Variants in SHC4 observed in about 807,000 individuals in gnomAD.
The protein encoded by SHC4 is SHC adaptor protein 4, also known as SHC-transforming protein 4.
SHC4 carries 41 observed loss-of-function variants against 69.4 expected under a neutral mutation model. That is an observed-to-expected ratio of 0.59 (90% CI 0.46 to 0.77). The LOEUF (loss-of-function observed/expected upper bound fraction) is 0.77, where lower values mean the gene tolerates loss of function less well. Among genes scored for constraint, SHC4 ranks in the 30% least tolerant of loss-of-function variants. The probability of loss-of-function intolerance (pLI) is 0.00; values close to 1 mark genes in which losing one functional copy is unlikely to be tolerated. For synonymous variants in SHC4, 318 were observed against 299.3 expected, an observed-to-expected ratio of 1.06 and a Z score of -0.64; for missense variants, 777 against 783.8, an observed-to-expected ratio of 0.99 and a Z score of 0.10.
At chr15:48,926,866 C>T (rs1174741025) in intron 1 of SHC4, among the ~76,000 whole-genome samples, 3 of 152,188 alleles carry the variant, frequency 2.0e-5, no homozygotes, top group African/African-American at 7.2e-5. Flanking sequence ...GGGACAATCA[C>T]CCTGCCAGTC....
At chr15:48,888,113 G>A (rs1900069444) in intron 3 of SHC4, among the ~76,000 whole-genome samples, 1 of 152,090 alleles carries the variant, frequency 6.6e-6, no homozygotes, top group African/African-American at 2.4e-5. Context: ...TTCTACTTCT[G>A]GGTATATACC....
Position 48,851,234 on chromosome 15 carries a change from C to T in SHC4, c.1257G>A (p.Lys419=), listed in dbSNP as rs1899209608. 1 of 1,614,084 alleles carries T rather than the reference C, an allele frequency of 6.2e-7. No individual in the cohort carries two copies. The highest frequency in any genetic ancestry group is 8.5e-7 in the Non-Finnish European group (1 of 1,179,984). The change falls in exon 9 of 12, where the codon AAG becomes AAA. Residue 419 remains lysine (K), a synonymous_variant. Coordinates refer to ENST00000332408, the MANE Select transcript of SHC4 (RefSeq NM_203349.4). ...EKLCYLPGNS[K]CSSVYENCLE... Reference sequence around the variant, plus strand: ...AACAGTTCTCATATACACTGCTGCACTTGGAGTTTCCAGGCTGCATGAACA... The same window carrying T: ...AACAGTTCTCATATACACTGCTGCATTTGGAGTTTCCAGGCTGCATGAACA...
intron 4 of SHC4, chr15:48,878,242 G>A: frequency 2.5e-6 from 4 of 1,610,608 alleles, no homozygotes; most frequent in Non-Finnish European, 3.4e-6. Context: ...TGGATGTGAT[G>A]CCTGGCGAGG....
chr15:48,885,852 C>A (rs1007857829), intron 3 of SHC4, among the ~76,000 whole-genome samples: 5 of 152,222 alleles, frequency 3.3e-5, no homozygotes, highest in Admixed American at 3.3e-4. Context: ...TTACACAGCT[C>A]TGGGCAAAGC....
chr15:48,843,636 T>C (rs777606724), intron 9 of SHC4, 48 bp from the exon 10 acceptor site: 7 of 1,526,418 alleles, frequency 4.6e-6, no homozygotes, highest in African/African-American at 1.4e-5. Flanking sequence ...TCTTTGTAAA[T>C]AGTAAATAAA....
rs138903874 is a variant in SHC4, at chr15:48,878,012, G to A, written c.841-5870C>T. ...GCCAACACCCCGGAGAAAACACTGA[G>A]CTACTCCAACCACAGTGGCGCGCCA... is the stretch of plus-strand genomic sequence containing the variant. On this transcript the variant is annotated intron_variant, in intron 4 of 11. Coordinates refer to ENST00000332408, the MANE Select transcript of SHC4 (RefSeq NM_203349.4). 452 of 807,328 alleles carry A rather than the reference G, an allele frequency of 5.6e-4. No homozygotes were observed. In the African/African-American group the frequency reaches 7.1e-3, roughly 13 times the overall value. 50.0% of individuals were successfully genotyped at this position (807,328 alleles called of 1,614,324 possible). A position where few individuals can be genotyped will look rare whatever the true frequency, so the allele number is the denominator to read the frequency against.
At chr15:48,957,759 T>C (rs1231263051) in intron 1 of SHC4, among the ~76,000 whole-genome samples, 1 of 152,196 alleles carries the variant, frequency 6.6e-6, no homozygotes, top group Non-Finnish European at 1.5e-5. Context: ...TCTTTGGAAA[T>C]AGGGTCTTTG....
At chr15:48,850,690 C>T (rs757449430) in intron 9 of SHC4, among the ~76,000 whole-genome samples, 1 of 152,202 alleles carries the variant, frequency 6.6e-6, no homozygotes, top group Non-Finnish European at 1.5e-5. Context: ...TGATCACATG[C>T]AGTAATAAAA....
At chr15:48,904,940 AAC>A (rs71650107) in intron 2 of SHC4, among the ~76,000 whole-genome samples, 5,902 of 144,334 alleles carry the variant, frequency 0.041, 290 homozygotes, top group East Asian at 0.12. Context: ...ACACAGACAC[AAC>A]ACACACACAC....
intron 1 of SHC4, among the ~76,000 whole-genome samples, chr15:48,960,507 C>T (rs1901528725): frequency 1.3e-5 from 2 of 152,208 alleles, no homozygotes; most frequent in Non-Finnish European, 2.9e-5. Flanking sequence ...GCGAGAGCTG[C>T]ATGTCCCATA....
At chr15:48,833,242 G>A (rs1863454) in intron 11 of SHC4, among the ~76,000 whole-genome samples, 51,165 of 151,948 alleles carry the variant, frequency 0.34, 10,118 homozygotes, top group Middle Eastern at 0.47. Flanking sequence ...GTGGGGGGAC[G>A]TGACTTTTCT....
chr15:48,960,112 T>C (rs1179219349), intron 1 of SHC4, among the ~76,000 whole-genome samples: 1 of 152,238 alleles, frequency 6.6e-6, no homozygotes, highest in East Asian at 1.9e-4. Flanking sequence ...TTCATTTGGG[T>C]CGTGGGGTCA....
rs544226770 is a variant in SHC4, at chr15:48,842,062, C to T, written c.1483+1347G>A. Among the ~76,000 whole-genome samples the T allele has an allele frequency of 3.9e-5, 6 of 152,338 alleles. No homozygotes were observed. The South Asian group carries it at 1.2e-3, about 32-fold the overall frequency. On this transcript the variant is annotated intron_variant, in intron 10 of 11. Transcript: ENST00000332408. Reference sequence around the variant, plus strand: ...CATCATTGGAGCAAACCAAATTTGACACCATGCCAATCTCTGAACAAAACA... The same window carrying T: ...CATCATTGGAGCAAACCAAATTTGATACCATGCCAATCTCTGAACAAAACA...
At chr15:48,935,492 T>C (rs890949884) in intron 1 of SHC4, among the ~76,000 whole-genome samples, 1 of 152,184 alleles carries the variant, frequency 6.6e-6, no homozygotes, top group Admixed American at 6.6e-5. Flanking sequence ...AGAAATGATG[T>C]TCAGGAAGTC....
intron 9 of SHC4, among the ~76,000 whole-genome samples, chr15:48,848,553 T>C (rs1417535763): frequency 6.6e-6 from 1 of 152,232 alleles, no homozygotes; most frequent in East Asian, 1.9e-4. Flanking sequence ...TTAACCATCA[T>C]GGCTAGGATT....
rs146204820 is a variant in SHC4, at chr15:48,907,655, C to T, written c.657-16844G>A. Reference sequence around the variant, plus strand: ...GCTCCCACTTATCAGTGAGAACATACGATGTCTGGTTTTCCATTCCTGAGT... The same window carrying T: ...GCTCCCACTTATCAGTGAGAACATATGATGTCTGGTTTTCCATTCCTGAGT... On this transcript the variant is annotated intron_variant, in intron 2 of 11. Coordinates refer to ENST00000332408, the MANE Select transcript of SHC4 (RefSeq NM_203349.4). Among the ~76,000 whole-genome samples the T allele has an allele frequency of 6.4e-3, 965 of 151,842 alleles. 11 individuals are homozygous for T. The highest frequency in any genetic ancestry group is 0.023 in the African/African-American group (932 of 41,412).
chr15:48,890,146 G>A (rs1900109542), intron 3 of SHC4, among the ~76,000 whole-genome samples: 1 of 152,176 alleles, frequency 6.6e-6, no homozygotes, highest in Non-Finnish European at 1.5e-5. Context: ...AAGGATCCAA[G>A]AGGTTAAGTA....
At chr15:48,830,483 C>T (rs751765048) in intron 11 of SHC4, among the ~76,000 whole-genome samples, 5 of 152,228 alleles carry the variant, frequency 3.3e-5, no homozygotes, top group Admixed American at 6.5e-5. Context: ...TATAATGAAG[C>T]TGAAAAATTC....
chr15:48,954,459 G>A (rs1200811911), intron 1 of SHC4, among the ~76,000 whole-genome samples: 1 of 152,208 alleles, frequency 6.6e-6, no homozygotes, highest in African/African-American at 2.4e-5. Flanking sequence ...ATTTTAACAA[G>A]CATTTTTAAC....
Sources: allele counts gnomAD v4.1 joint callset (sites outside exome capture counted in the v4.1 genomes callset), GRCh38; gene constraint gnomAD v4.1.1; transcripts MANE v1.5; gene names NCBI Gene and HGNC (gene_info 2026-07-23, HGNC 2026-07-21).